Variants in PTCHD4 observed in about 807,000 individuals in gnomAD.
The protein encoded by PTCHD4 is patched domain containing 4.
Under a neutral mutation model 58.1 loss-of-function variants are expected in PTCHD4, and 33 were observed. The observed-to-expected ratio is 0.57, with a 90% CI of 0.43 to 0.76. The LOEUF (loss-of-function observed/expected upper bound fraction) is 0.76. Ranked by LOEUF, PTCHD4 falls within the 30% of genes least tolerant of loss-of-function variation. The pLI, the probability that PTCHD4 is intolerant of heterozygous loss-of-function variation, is 0.00. For missense variants in PTCHD4, 1,058 were observed against 1,027.1 expected (o/e 1.03, Z -0.41); for synonymous variants, 478 against 409.6 (o/e 1.17, Z -2.02).
intron 4 of PTCHD4, among the ~76,000 whole-genome samples, chr6:47,921,657 C>T (rs1167298794): frequency 2.0e-5 from 3 of 152,112 alleles, no homozygotes; most frequent in Admixed American, 6.5e-5. Context: ...AATATAAACA[C>T]GATGACTGCA....
In PTCHD4 at chr6:47,878,056, A is replaced by C; in HGVS notation, c.*247T>G. 1 of 361,132 alleles carries C rather than the reference A, an allele frequency of 2.8e-6. No individual in the cohort carries two copies. Among genetic ancestry groups the C allele is most frequent in the Non-Finnish European group, 5.0e-6 (1 of 200,724 alleles). 22.4% of individuals were successfully genotyped at this position (361,132 alleles called of 1,614,324 possible). A position where few individuals can be genotyped will look rare whatever the true frequency, so the allele number is the denominator to read the frequency against. ...TCCATTGATTCATCCATTCCTTGGA[A>C]GAGCTCTCAGATTACATCCAGAAAC... On this transcript the variant is annotated 3_prime_UTR_variant, in exon 5 of 5. Coordinates refer to ENST00000339488, the MANE Select transcript of PTCHD4 (RefSeq NM_001384253.1).
chr6:47,981,049 G>C (rs945691540), intron 4 of PTCHD4, among the ~76,000 whole-genome samples: 2 of 152,106 alleles, frequency 1.3e-5, no homozygotes, highest in African/African-American at 4.8e-5. Flanking sequence ...CTGTATTCCC[G>C]TAGTAGTTAC....
At chr6:48,043,425 G>A (rs12189913) in intron 3 of PTCHD4, among the ~76,000 whole-genome samples, 21 of 151,574 alleles carry the variant, frequency 1.4e-4, no homozygotes, top group African/African-American at 2.7e-4. Flanking sequence ...GAAAGGCAGC[G>A]TTTTTTTGAC....
chr6:47,927,231 G>T (rs1415294176), intron 4 of PTCHD4, among the ~76,000 whole-genome samples: 1 of 152,198 alleles, frequency 6.6e-6, no homozygotes, highest in African/African-American at 2.4e-5. Flanking sequence ...TAAAAAGAGA[G>T]ATCTACAAGG....
intron 1 of PTCHD4, among the ~76,000 whole-genome samples, chr6:48,073,010 T>C (rs1039911344): frequency 1.3e-5 from 2 of 152,182 alleles, no homozygotes; most frequent in Non-Finnish European, 2.9e-5. Flanking sequence ...AGATAAGTTA[T>C]ATGATAAAAA....
intron 4 of PTCHD4, among the ~76,000 whole-genome samples, chr6:47,975,150 G>T (rs541833573): frequency 6.6e-6 from 1 of 152,208 alleles, no homozygotes; most frequent in Non-Finnish European, 1.5e-5. Context: ...GTGATTGTTT[G>T]CATCTTGAAG....
intron 4 of PTCHD4, among the ~76,000 whole-genome samples, chr6:47,904,698 G>A (rs911312584): frequency 1.3e-5 from 2 of 152,096 alleles, no homozygotes; most frequent in Non-Finnish European, 2.9e-5. Flanking sequence ...AATATGATTA[G>A]TCTTTTAATA....
At chr6:48,056,045 T>C (rs1764393880) in intron 3 of PTCHD4, among the ~76,000 whole-genome samples, 1 of 152,208 alleles carries the variant, frequency 6.6e-6, no homozygotes, top group African/African-American at 2.4e-5. Flanking sequence ...ATTAAACAGA[T>C]TCAGGCAACC....
chr6:47,922,802 G>C (rs73739013), intron 4 of PTCHD4, among the ~76,000 whole-genome samples: 1 of 152,150 alleles, frequency 6.6e-6, no homozygotes, highest in Admixed American at 6.5e-5. Context: ...ATTCAGTAGC[G>C]AGTATTATTC....
rs897754854 is a variant in PTCHD4, at chr6:47,897,012, A to G, written c.899-17076T>C. 2.6e-5 allele frequency among the ~76,000 whole-genome samples: 4 copies of G among 152,068 alleles called. No homozygotes were observed. The East Asian group carries it at 7.7e-4, about 29-fold the overall frequency. On this transcript the variant is annotated intron_variant, in intron 4 of 4. Transcript: ENST00000339488. The stretch of plus-strand genomic sequence containing the variant: ...TATGTCAGTACCTGGCACTCAGTAA[A>G]TATTAGTTTTTTTTGTAAAATTGAG...
chr6:47,879,073 C>T lies in PTCHD4; in HGVS notation c.1762G>A (p.Asp588Asn). Residue 588 changes from aspartate (D) to asparagine (N), a missense_variant, in exon 5 of 5, where the codon GAT (aspartate) becomes AAT (asparagine). Physicochemically the swap from Asp to Asn is conservative, Grantham distance 23 (BLOSUM62 1). Coordinates refer to ENST00000339488, the MANE Select transcript of PTCHD4 (RefSeq NM_001384253.1). ...KKPEFQHFRN[D>N]IIFSKAGDES... ...TCCCCTGCCTTGGAGAAGATGATAT[C>T]ATTTCGAAAATGCTGGAATTCTGGC... 2 of 1,613,366 alleles carry T rather than the reference C, an allele frequency of 1.2e-6. No individual in the cohort carries two copies. Among genetic ancestry groups the T allele is most frequent in the Non-Finnish European group, 1.7e-6 (2 of 1,179,724 alleles).
chr6:47,908,686 G>A (rs186914821), intron 4 of PTCHD4, among the ~76,000 whole-genome samples: 3 of 152,204 alleles, frequency 2.0e-5, no homozygotes, highest in East Asian at 1.9e-4. Flanking sequence ...TTCTACCAAT[G>A]TTTTCTTAAG....
intron 3 of PTCHD4, among the ~76,000 whole-genome samples, chr6:48,022,201 C>T (rs550545226): frequency 7.3e-5 from 11 of 151,708 alleles, no homozygotes; most frequent in African/African-American, 2.7e-4. Context: ...CTCTCCCTCC[C>T]TTTATTTCTC....
At chr6:47,888,655 TTTTG>T (rs1283846536) in intron 4 of PTCHD4, among the ~76,000 whole-genome samples, 1 of 152,134 alleles carries the variant, frequency 6.6e-6, no homozygotes, top group African/African-American at 2.4e-5. Flanking sequence ...TTGTTTTTGT[TTTTG>T]TTTTATTATT....
At chr6:47,886,941 A>G (rs1409059796) in intron 4 of PTCHD4, among the ~76,000 whole-genome samples, 2 of 152,226 alleles carry the variant, frequency 1.3e-5, no homozygotes, top group Non-Finnish European at 2.9e-5. Context: ...AGTACTTACT[A>G]TACGCTAGAC....
In PTCHD4 at chr6:47,993,331, C is replaced by T. The variant is rs183090054; in HGVS notation, c.898+15303G>A. On this transcript the variant is annotated intron_variant, in intron 4 of 4. Transcript: ENST00000339488. Reference sequence around the variant, plus strand: ...GTATGTTAGAAGAATTTTCTTCAGGCTCTTTCTCAAAGTCGACATATCCCA... The same window carrying T: ...GTATGTTAGAAGAATTTTCTTCAGGTTCTTTCTCAAAGTCGACATATCCCA... Among the ~76,000 whole-genome samples, 27 of 152,264 alleles carry T rather than the reference C, an allele frequency of 1.8e-4. 1 individual carries two copies. The highest frequency in any genetic ancestry group is 6.3e-4 in the African/African-American group (26 of 41,552).
intron 4 of PTCHD4, among the ~76,000 whole-genome samples, chr6:47,986,059 T>C (rs1210416786): frequency 6.6e-6 from 1 of 152,066 alleles, no homozygotes; most frequent in African/African-American, 2.4e-5. Flanking sequence ...ATGTCTGAGG[T>C]TTTAGAAAAT....
chr6:47,891,221 CAA>C (rs35503136), intron 4 of PTCHD4, among the ~76,000 whole-genome samples: 23,559 of 82,400 alleles, frequency 0.29, 1,734 homozygotes, highest in Middle Eastern at 0.31. Context: ...GACTGTGTCT[CAA>C]AAAAAAAAAA....
chr6:48,014,366 A>G (rs1053679173), intron 3 of PTCHD4, among the ~76,000 whole-genome samples: 1 of 152,182 alleles, frequency 6.6e-6, no homozygotes. Context: ...TATGTAGGAA[A>G]GACAAAGAAT....
Sources: gnomAD v4.1 joint callset for allele counts (sites outside exome capture counted in the v4.1 genomes callset) on GRCh38, gnomAD v4.1.1 for gene constraint, MANE v1.5 for transcripts, NCBI Gene and HGNC (gene_info 2026-07-23, HGNC 2026-07-21) for gene names.